ATG2B: variants seen among roughly 807,000 people sequenced by gnomAD.
ATG2B encodes autophagy related 2B.
Under a neutral mutation model 241.3 loss-of-function variants are expected in ATG2B, and 121 were observed. That is an observed-to-expected ratio of 0.50 (90% CI 0.43 to 0.58). ATG2B has a LOEUF of 0.58. Ranked by LOEUF, ATG2B falls within the 20% of genes least tolerant of loss-of-function variation. ATG2B has a pLI of 0.00. For missense variants in ATG2B, 2,306 were observed against 2,491.6 expected (o/e 0.93, Z 1.59); for synonymous variants, 858 against 876.6 (o/e 0.98, Z 0.37).
chr14:96,317,389 T>G (rs907982908), intron 19 of ATG2B, 72 bp from the exon 20 acceptor site: 1 of 1,322,498 alleles, frequency 7.6e-7, no homozygotes, highest in South Asian at 1.4e-5. Flanking sequence ...ATCATGAAAA[T>G]ATTTTATATA....
rs1431834203 is a variant in ATG2B at position 96,291,864 on chromosome 14, T to C, written c.5496+165A>G. ...CCCAATTTATACCAAATTTTACTCA[T>C]GGTACTTAAGTAAATATTTACATTA... On this transcript the variant is annotated intron_variant, in intron 37 of 41. Transcript: ENST00000359933. 4.5e-5 allele frequency: 27 copies of C among 604,356 alleles called. No individual in the cohort carries two copies. In the East Asian group the frequency reaches 7.1e-4, roughly 16 times the overall value. The allele number at this position is 604,356 out of a possible 1,614,324, so 37.4% of individuals were successfully genotyped here.
In ATG2B at chr14:96,313,130, A is replaced by G. The variant is rs770210579; in HGVS notation, c.3777T>C (p.Leu1259=). The G allele has an allele frequency of 6.2e-7, 1 of 1,613,642 alleles. No individual in the cohort carries two copies. The highest frequency in any genetic ancestry group is 1.1e-5 in the South Asian group (1 of 91,050). ...YRPLYLPIRS[L]LTVETFSVSS... is the part of the protein sequence containing the mutation. ...AAACACTGAATGTTTCCACGGTAAG[A>G]AGAGATCGGATTGGCAAATAAAGGG... Residue 1259 remains leucine, a synonymous_variant, in exon 25 of 42, where the codon CTT becomes CTC. Transcript: ENST00000359933.
At position 96,362,843 on chromosome 14, in the gene ATG2B, G is replaced by C. The variant is rs747865041; in HGVS notation, c.134C>G (p.Ser45Cys). 1 of 1,610,670 alleles carries C rather than the reference G, an allele frequency of 6.2e-7. No homozygotes were observed. The highest frequency in any genetic ancestry group is 8.5e-7 in the Non-Finnish European group (1 of 1,178,154). Reference protein sequence around the residue: ...LSLDLYQGTGSLAQVPLDKWC... With the variant: ...LSLDLYQGTGCLAQVPLDKWC... ...TTTGTCCAAGGGGACCTGGGCGAGGGACCCGGTGCCTTGGTACAGGTCCAG... is the reference window on the plus strand; with the variant it reads ...TTTGTCCAAGGGGACCTGGGCGAGGCACCCGGTGCCTTGGTACAGGTCCAG... Residue 45 changes from serine (S) to cysteine (C), a missense_variant, in exon 1 of 42, where the codon TCC (serine) becomes TGC (cysteine). Coordinates refer to ENST00000359933, the MANE Select transcript of ATG2B (RefSeq NM_018036.7).
intron 33 of ATG2B, among the ~76,000 whole-genome samples, chr14:96,302,491 G>C (rs574484959): frequency 3.3e-5 from 5 of 152,294 alleles, no homozygotes; most frequent in Admixed American, 2.6e-4. Flanking sequence ...GGTTGAATGG[G>C]AGGCTAGTTT....
chr14:96,312,948 T>A (rs945561962), intron 25 of ATG2B, 117 bp downstream of exon 25: 1 of 577,834 alleles, frequency 1.7e-6, no homozygotes, highest in African/African-American at 1.9e-5. Context: ...AGGTTATAAC[T>A]ATTAGTAAAA....
At position 96,322,093 on chromosome 14, in the gene ATG2B, T is replaced by C; in HGVS notation, c.2879+19A>G. On this transcript the variant is annotated intron_variant, in intron 18 of 41. Transcript: ENST00000359933. ...GAAAATCTGATTCCAAAGATTCAAC[T>C]AAATGTGTATAAACTCACCTATTAT... 6.7e-7 allele frequency: 1 copy of C among 1,488,488 alleles called. No homozygotes were observed. 92.2% of individuals were successfully genotyped at this position (1,488,488 alleles called of 1,614,324 possible). A position where few individuals can be genotyped will look rare whatever the true frequency, so the allele number is the denominator to read the frequency against.
intron 13 of ATG2B, 66 bp downstream of exon 13, chr14:96,328,608 T>A: frequency 6.4e-7 from 1 of 1,553,668 alleles, no homozygotes; most frequent in South Asian, 1.2e-5. Flanking sequence ...TAAAACCTTA[T>A]AATTGTGACA....
intron 3 of ATG2B, 98 bp from the exon 4 acceptor site, chr14:96,344,854 G>T: frequency 1.9e-6 from 1 of 527,906 alleles, no homozygotes; most frequent in Non-Finnish European, 3.2e-6. Context: ...AAGAACTTTT[G>T]TTTACAAAAT....
intron 15 of ATG2B, 25 bp downstream of exon 15, chr14:96,325,623 TC>T (rs771713756): frequency 6.3e-7 from 1 of 1,591,598 alleles, no homozygotes; most frequent in Non-Finnish European, 8.5e-7. Flanking sequence ...CTAGGATGGT[TC>T]TTTTACAGGC....
At chr14:96,344,594 T>A in intron 4 of ATG2B, 60 bp downstream of exon 4, 1 of 927,156 alleles carries the variant, frequency 1.1e-6, no homozygotes, top group Non-Finnish European at 1.6e-6. Flanking sequence ...AAAACCTCCC[T>A]GAAAATGTAA....
rs556539499 is a variant in ATG2B at position 96,347,069 on chromosome 14, T to C, written c.325+110A>G. On this transcript the variant is annotated intron_variant, in intron 2 of 41. Transcript: ENST00000359933. ...AGCCAAGTCGTAATGTATTATCAAC[T>C]GAAAATTTCACAAATACAAAGCAAA... 5.6e-5 allele frequency: 56 copies of C among 994,184 alleles called. 1 individual carries two copies. The South Asian group carries it at 1.1e-3, about 20-fold the overall frequency. 61.6% of individuals were successfully genotyped at this position (994,184 alleles called of 1,614,324 possible). A position where few individuals can be genotyped will look rare whatever the true frequency, so the allele number is the denominator to read the frequency against.
At chr14:96,355,393 C>A (rs748635342) in intron 1 of ATG2B, among the ~76,000 whole-genome samples, 1 of 152,072 alleles carries the variant, frequency 6.6e-6, no homozygotes, top group South Asian at 2.1e-4. Flanking sequence ...GAATCCTTTC[C>A]GCATTGCTTG....
intron 31 of ATG2B, among the ~76,000 whole-genome samples, chr14:96,305,252 C>T (rs1418482810): frequency 2.0e-5 from 3 of 152,196 alleles, no homozygotes; most frequent in African/African-American, 7.2e-5. Flanking sequence ...TCCTGACACA[C>T]TTCCTGCGTT....
chr14:96,301,536 C>A (rs1055718855), intron 34 of ATG2B, among the ~76,000 whole-genome samples: 2 of 152,172 alleles, frequency 1.3e-5, no homozygotes, highest in Non-Finnish European at 2.9e-5. Flanking sequence ...TTTCACTGTG[C>A]CCAACTCCAG....
At chr14:96,310,071 CCA>C (rs1887107696) in intron 28 of ATG2B, among the ~76,000 whole-genome samples, 1 of 152,104 alleles carries the variant, frequency 6.6e-6, no homozygotes, top group Admixed American at 6.5e-5. Flanking sequence ...AGTTCCAGCA[CCA>C]AATACTTAAC....
rs116856684 is a variant in ATG2B at position 96,298,808 on chromosome 14, T to C, written c.5139+3199A>G. Among the ~76,000 whole-genome samples, 666 of 152,340 alleles carry C rather than the reference T, an allele frequency of 4.4e-3. 26 individuals are homozygous for C. In the South Asian group the frequency reaches 0.067, roughly 15 times the overall value. ...CGTCTTCACGGTAAGGAAAATGTTC[T>C]ATATCTCAACTGGGGTAGTAGCTAC... On this transcript the variant is annotated intron_variant, in intron 34 of 41. Transcript: ENST00000359933.
chr14:96,325,341 G>A (rs958386070), intron 15 of ATG2B, among the ~76,000 whole-genome samples: 1 of 152,118 alleles, frequency 6.6e-6, no homozygotes, highest in Admixed American at 6.5e-5. Context: ...CACTTAACAA[G>A]TTCTATTATC....
At chr14:96,309,391 A>G (rs1887087574) in intron 29 of ATG2B, 62 bp downstream of exon 29, 1 of 1,524,308 alleles carries the variant, frequency 6.6e-7, no homozygotes, top group African/African-American at 1.4e-5. Context: ...ATTTACGAGA[A>G]CACAAATAAA....
chr14:96,306,585 T>C, intron 30 of ATG2B, 129 bp downstream of exon 30: 1 of 709,694 alleles, frequency 1.4e-6, no homozygotes, highest in Non-Finnish European at 2.2e-6. Context: ...GTCAATAGTA[T>C]ATTAAAAAAA....
Sources: gnomAD v4.1 joint callset for allele counts (sites outside exome capture counted in the v4.1 genomes callset) on GRCh38, gnomAD v4.1.1 for gene constraint, MANE v1.5 for transcripts, NCBI Gene and HGNC (gene_info 2026-07-23, HGNC 2026-07-21) for gene names.